SPECC1: variants seen among roughly 807,000 people sequenced by gnomAD.
The protein encoded by SPECC1 is sperm antigen with calponin homology and coiled-coil domains 1, also known as cytospin-B.
A neutral mutation model predicts 104.1 loss-of-function variants in SPECC1; 62 were observed. That is an observed-to-expected ratio of 0.60 (90% CI 0.49 to 0.74). SPECC1 has a LOEUF of 0.74. Ranked by LOEUF, SPECC1 falls within the 30% of genes least tolerant of loss-of-function variation. The probability of loss-of-function intolerance (pLI) is 0.00; values close to 1 mark genes in which losing one functional copy is unlikely to be tolerated. For missense variants in SPECC1, 1,306 were observed against 1,310.5 expected (o/e 1.00, Z 0.05); for synonymous variants, 513 against 501.6 (o/e 1.02, Z -0.30).
intron 3 of SPECC1, among the ~76,000 whole-genome samples, chr17:20,128,970 G>A (rs1382004302): frequency 6.6e-6 from 1 of 152,066 alleles, no homozygotes; most frequent in Non-Finnish European, 1.5e-5. Context: ...ATGGCTCAGT[G>A]CAGCCTCAAA....
intron 11 of SPECC1, among the ~76,000 whole-genome samples, chr17:20,259,948 G>A (rs1417443103): frequency 2.0e-5 from 3 of 152,124 alleles, no homozygotes; most frequent in Non-Finnish European, 4.4e-5. Context: ...GCAACAAATG[G>A]ATTTGAAAAC....
chr17:20,217,343 A>G (rs1424862546), intron 4 of SPECC1, among the ~76,000 whole-genome samples: 1 of 151,792 alleles, frequency 6.6e-6, no homozygotes, highest in Non-Finnish European at 1.5e-5. Context: ...AGTTATTCCA[A>G]CATCCAAGAA....
intron 1 of SPECC1, among the ~76,000 whole-genome samples, chr17:20,047,246 A>C (rs544499755): frequency 1.3e-5 from 2 of 152,098 alleles, no homozygotes; most frequent in Non-Finnish European, 2.9e-5. Flanking sequence ...CTAACTTGGT[A>C]AAGATGTGTT....
intron 1 of SPECC1, among the ~76,000 whole-genome samples, chr17:20,022,051 C>T (rs2044411642): frequency 6.6e-6 from 1 of 151,928 alleles, no homozygotes; most frequent in Non-Finnish European, 1.5e-5. Flanking sequence ...ATGCCATTCT[C>T]CTGCCTCAAC....
chr17:20,316,061 T>C lies in SPECC1; in HGVS notation c.*1996T>C. ...GAGCTCCTGAGCAGCTGTTGGGCGATGGTCATTACATCACCCATGCCTTTG... is the reference window on the plus strand; with the variant it reads ...GAGCTCCTGAGCAGCTGTTGGGCGACGGTCATTACATCACCCATGCCTTTG... On this transcript the variant is annotated 3_prime_UTR_variant, in exon 15 of 15. Coordinates refer to ENST00000395527, the MANE Select transcript of SPECC1 (RefSeq NM_001243439.2). The C allele has an allele frequency of 4.3e-6, 1 of 232,716 alleles. No homozygotes were observed. The highest frequency in any genetic ancestry group is 6.1e-5 in the East Asian group (1 of 16,516). The allele number at this position is 232,716 out of a possible 1,614,324, so 14.4% of individuals were successfully genotyped here.
At chr17:20,224,016 G>T (rs2038059093) in intron 4 of SPECC1, among the ~76,000 whole-genome samples, 1 of 152,214 alleles carries the variant, frequency 6.6e-6, no homozygotes, top group South Asian at 2.1e-4. Context: ...TTGAGTGTTA[G>T]GATCTAAGCC....
intron 3 of SPECC1, among the ~76,000 whole-genome samples, chr17:20,118,388 A>T (rs1432802145): frequency 6.6e-6 from 1 of 152,228 alleles, no homozygotes; most frequent in Non-Finnish European, 1.5e-5. Context: ...ATGATTATTT[A>T]TAATAGTATA....
In SPECC1 at chr17:20,112,554, T is replaced by G. The variant is rs1039297660; in HGVS notation, c.283+1992T>G. The G allele has an allele frequency of 2.4e-5, 19 of 789,140 alleles. No individual in the cohort carries two copies. In the African/African-American group the frequency reaches 2.7e-4, roughly 11 times the overall value. The allele number at this position is 789,140 out of a possible 1,614,324, so 48.9% of individuals were successfully genotyped here. ...AACATTAACTTCAAAATGGCCAGTT[T>G]AAGCCGCTGCAGTCTTGCACATGCA... On this transcript the variant is annotated intron_variant, in intron 3 of 14. Transcript: ENST00000395527.
chr17:20,276,640 G>C (rs536907224), intron 12 of SPECC1, among the ~76,000 whole-genome samples: 11 of 152,162 alleles, frequency 7.2e-5, no homozygotes, highest in South Asian at 2.1e-4. Flanking sequence ...GCACCTAGCA[G>C]CGTGGTAAGG....
intron 1 of SPECC1, among the ~76,000 whole-genome samples, chr17:20,070,955 C>T (rs886651690): frequency 1.3e-5 from 2 of 151,942 alleles, no homozygotes; most frequent in East Asian, 3.9e-4. Flanking sequence ...TATTTTCTTT[C>T]TTTTTTCTCT....
intron 5 of SPECC1, among the ~76,000 whole-genome samples, chr17:20,231,534 A>G (rs756608752): frequency 6.6e-6 from 1 of 152,208 alleles, no homozygotes; most frequent in Non-Finnish European, 1.5e-5. Context: ...TACACATCAC[A>G]TATTTTCCAG....
chr17:20,073,078 G>C (rs1323961952), intron 1 of SPECC1, among the ~76,000 whole-genome samples: 2 of 151,892 alleles, frequency 1.3e-5, no homozygotes, highest in African/African-American at 4.8e-5. Flanking sequence ...GATTTATTTA[G>C]AACGAAAAAA....
At chr17:20,106,740 G>C (rs1426929347) in intron 2 of SPECC1, among the ~76,000 whole-genome samples, 1 of 152,198 alleles carries the variant, frequency 6.6e-6, no homozygotes, top group Non-Finnish European at 1.5e-5. Context: ...ATGTGGAACT[G>C]TGAGTCAACT....
chr17:20,060,667 A>G (rs2046152446), intron 1 of SPECC1, among the ~76,000 whole-genome samples: 1 of 152,120 alleles, frequency 6.6e-6, no homozygotes. Context: ...CATATAGGAT[A>G]TGTGTCTTTC....
At chr17:20,294,553 G>A (rs1307238772) in intron 12 of SPECC1, among the ~76,000 whole-genome samples, 4 of 152,106 alleles carry the variant, frequency 2.6e-5, no homozygotes, top group Non-Finnish European at 5.9e-5. Flanking sequence ...GCGAATTGGG[G>A]TTATACAGAG....
intron 3 of SPECC1, among the ~76,000 whole-genome samples, chr17:20,157,335 A>G (rs2032682106): frequency 6.6e-6 from 1 of 152,148 alleles, no homozygotes; most frequent in African/African-American, 2.4e-5. Context: ...AAGTTTCTTC[A>G]CAGGAATACT....
rs974929752 is a variant in SPECC1 at position 20,139,613 on chromosome 17, T to G, written c.283+29051T>G. Among the ~76,000 whole-genome samples, 4 of 152,348 alleles carry G rather than the reference T, an allele frequency of 2.6e-5. No individual in the cohort carries two copies. In the South Asian group the frequency reaches 8.3e-4, roughly 32 times the overall value. ...AGATACATTCTAGTGTTATCTTTAT[T>G]AACTTCCTTTCTCTCAACATGTAAT... On this transcript the variant is annotated intron_variant, in intron 3 of 14. Coordinates refer to ENST00000395527, the MANE Select transcript of SPECC1 (RefSeq NM_001243439.2).
At chr17:20,136,815 A>C (rs1425259407) in intron 3 of SPECC1, among the ~76,000 whole-genome samples, 1 of 152,120 alleles carries the variant, frequency 6.6e-6, no homozygotes, top group Non-Finnish European at 1.5e-5. Context: ...CACTTGTTTT[A>C]TGATTTCTCA....
intron 7 of SPECC1, chr17:20,238,547 G>A (rs2039044620): frequency 9.6e-7 from 1 of 1,042,634 alleles, no homozygotes; most frequent in South Asian, 4.6e-5. Context: ...TTAAACTCAG[G>A]AAGATCTTTT....
Sources: allele counts gnomAD v4.1 joint callset (sites outside exome capture counted in the v4.1 genomes callset), GRCh38; gene constraint gnomAD v4.1.1; transcripts MANE v1.5; gene names NCBI Gene and HGNC (gene_info 2026-07-23, HGNC 2026-07-21).